Variants in CTNNA3 observed in about 807,000 individuals in gnomAD.
The protein encoded by CTNNA3 is catenin alpha-3.
A neutral mutation model predicts 95.7 loss-of-function variants in CTNNA3; 76 were observed. That is an observed-to-expected ratio of 0.79 (90% CI 0.66 to 0.96). The LOEUF (loss-of-function observed/expected upper bound fraction) is 0.96. Ranked by LOEUF, CTNNA3 falls within the 40% of genes least tolerant of loss-of-function variation. The pLI is 0.00. For missense variants in CTNNA3, 1,191 were observed against 1,089.8 expected (o/e 1.09, Z -1.31); for synonymous variants, 431 against 374.4 (o/e 1.15, Z -1.74).
chr10:66,005,680 T>C (rs1309859401), intron 15 of CTNNA3, among the ~76,000 whole-genome samples: 1 of 152,066 alleles, frequency 6.6e-6, no homozygotes, highest in Non-Finnish European at 1.5e-5. Context: ...ATTATATAAA[T>C]ACTCCTTGAA....
At chr10:66,215,139 G>A (rs1450003229) in intron 13 of CTNNA3, among the ~76,000 whole-genome samples, 1 of 152,142 alleles carries the variant, frequency 6.6e-6, no homozygotes, top group Non-Finnish European at 1.5e-5. Flanking sequence ...CAGGGATGAT[G>A]GTTTCCAATG....
chr10:66,897,434 C>A (rs995068270), intron 7 of CTNNA3, among the ~76,000 whole-genome samples: 28 of 151,758 alleles, frequency 1.8e-4, no homozygotes, highest in African/African-American at 5.8e-4. Context: ...AATTATTAAA[C>A]AAAATTAATT....
At chr10:66,617,494 T>C (rs1238575372) in intron 10 of CTNNA3, among the ~76,000 whole-genome samples, 3 of 152,248 alleles carry the variant, frequency 2.0e-5, no homozygotes, top group South Asian at 4.1e-4. Flanking sequence ...GAAAAGGCCT[T>C]TGACAAAATT....
At chr10:66,662,433 T>C (rs1023177573) in intron 9 of CTNNA3, among the ~76,000 whole-genome samples, 12 of 152,174 alleles carry the variant, frequency 7.9e-5, no homozygotes, top group African/African-American at 2.9e-4. Flanking sequence ...CTAACTTTTC[T>C]TCACCTCTTA....
intron 7 of CTNNA3, among the ~76,000 whole-genome samples, chr10:67,151,358 T>C (rs1861085012): frequency 6.6e-6 from 1 of 152,020 alleles, no homozygotes; most frequent in Admixed American, 6.6e-5. Context: ...AGGTAATGTA[T>C]TTTATTCCTT....
chr10:67,448,118 C>A (rs886205394), intron 5 of CTNNA3, among the ~76,000 whole-genome samples: 6 of 152,074 alleles, frequency 3.9e-5, no homozygotes, highest in African/African-American at 1.4e-4. Flanking sequence ...TGATGGACAG[C>A]AAAGAGTTGT....
intron 10 of CTNNA3, among the ~76,000 whole-genome samples, chr10:66,567,378 G>T (rs1305930751): frequency 6.6e-6 from 1 of 152,038 alleles, no homozygotes; most frequent in African/African-American, 2.4e-5. Flanking sequence ...CCAGCAATTT[G>T]GGGGCCAAGG....
chr10:67,679,463 T>A (rs1840587829), intron 1 of CTNNA3, among the ~76,000 whole-genome samples: 1 of 152,204 alleles, frequency 6.6e-6, no homozygotes, highest in Admixed American at 6.5e-5. Flanking sequence ...ATGAGAGTGG[T>A]AACAGAATAT....
In CTNNA3 at chr10:67,372,242, T is replaced by C. The variant is rs1589225832; in HGVS notation, c.579+149600A>G. ...AGCTCTTGAGTTTAATTAGATCCCA[T>C]TTGTCAATTTTGGCTTTTGTTGCCA... is the stretch of plus-strand genomic sequence containing the variant. On this transcript the variant is annotated intron_variant, in intron 5 of 17. Coordinates refer to ENST00000433211, the MANE Select transcript of CTNNA3 (RefSeq NM_013266.4). Among the ~76,000 whole-genome samples the C allele has an allele frequency of 2.6e-5, 4 of 152,208 alleles. No individual in the cohort carries two copies. In the East Asian group the frequency reaches 5.8e-4, roughly 22 times the overall value.
chr10:66,118,276 C>G, intron 13 of CTNNA3: 1 of 152,100 alleles, frequency 6.6e-6, no homozygotes, highest in East Asian at 1.9e-4. Flanking sequence ...TGTTACTACT[C>G]CCTTTGGATT....
chr10:67,399,889 T>C (rs1656021873), intron 5 of CTNNA3, among the ~76,000 whole-genome samples: 1 of 152,184 alleles, frequency 6.6e-6, no homozygotes, highest in Non-Finnish European at 1.5e-5. Flanking sequence ...GTCAGAAAAG[T>C]GGAAGAATTT....
intron 7 of CTNNA3, among the ~76,000 whole-genome samples, chr10:66,783,160 G>A (rs780304988): frequency 3.3e-5 from 5 of 152,196 alleles, no homozygotes; most frequent in South Asian, 4.1e-4. Flanking sequence ...AGATACTCAC[G>A]CCAGAATACA....
chr10:66,645,887 C>T (rs1174600576), intron 9 of CTNNA3, among the ~76,000 whole-genome samples: 2 of 152,280 alleles, frequency 1.3e-5, no homozygotes, highest in East Asian at 1.9e-4. Flanking sequence ...GGTTGGGGAT[C>T]GCTGCCCTAT....
chr10:66,329,413 G>C (rs1275635787), intron 12 of CTNNA3, among the ~76,000 whole-genome samples: 1 of 151,836 alleles, frequency 6.6e-6, no homozygotes, highest in African/African-American at 2.4e-5. Flanking sequence ...CCCTTACAGT[G>C]TAACACCCCA....
intron 11 of CTNNA3, among the ~76,000 whole-genome samples, chr10:66,516,079 A>AAAAAAAAG: frequency 6.6e-6 from 1 of 151,742 alleles, no homozygotes. Context: ...AAAAAAAAAA[A>AAAAAAAAG]AGGTAACCCA....
At chr10:67,175,668 CTAA>C (rs1862206626) in intron 7 of CTNNA3, among the ~76,000 whole-genome samples, 3 of 152,136 alleles carry the variant, frequency 2.0e-5, no homozygotes, top group African/African-American at 7.2e-5. Flanking sequence ...TCACTCAGTT[CTAA>C]TAATCCCCTA....
chr10:66,367,877 A>T lies in CTNNA3; in HGVS notation c.1732+11275T>A, dbSNP rs922485724. Among the ~76,000 whole-genome samples the T allele has an allele frequency of 3.0e-3, 138 of 46,638 alleles. 2 individuals are homozygous for T. The highest frequency in any genetic ancestry group is 0.015 in the African/African-American group (125 of 8,212). The allele number at this position is 46,638 out of a possible 152,430, so 30.6% of individuals were successfully genotyped here. A position where few individuals can be genotyped will look rare whatever the true frequency, so the allele number is the denominator to read the frequency against. On this transcript the variant is annotated intron_variant, in intron 12 of 17. Coordinates refer to ENST00000433211, the MANE Select transcript of CTNNA3 (RefSeq NM_013266.4). Reference sequence around the variant, plus strand: ...TAATAATAATAATAATAATAATAATAATAATTATTATTATTATTATTATTA... The same window carrying T: ...TAATAATAATAATAATAATAATAATTATAATTATTATTATTATTATTATTA...
intron 12 of CTNNA3, among the ~76,000 whole-genome samples, chr10:66,294,386 C>G (rs2091740813): frequency 6.6e-6 from 1 of 152,108 alleles, no homozygotes; most frequent in South Asian, 2.1e-4. Context: ...TGAGTTCCCA[C>G]ACTCAATCGC....
chr10:67,058,082 C>T (rs1855547260), intron 7 of CTNNA3, among the ~76,000 whole-genome samples: 1 of 152,150 alleles, frequency 6.6e-6, no homozygotes, highest in Non-Finnish European at 1.5e-5. Flanking sequence ...CTAATCTTTT[C>T]TTGCATGCTG....
Sources: gnomAD v4.1 joint callset for allele counts (sites outside exome capture counted in the v4.1 genomes callset) on GRCh38, gnomAD v4.1.1 for gene constraint, MANE v1.5 for transcripts, NCBI Gene and HGNC (gene_info 2026-07-23, HGNC 2026-07-21) for gene names.